The following KSR2 variants were observed in gnomAD, a reference collection of about 807,000 sequenced individuals.
The protein encoded by KSR2 is kinase suppressor of ras 2.
Under a neutral mutation model 107.8 loss-of-function variants are expected in KSR2, and 25 were observed. The observed-to-expected ratio is 0.23, with a 90% confidence interval of 0.17 to 0.32. KSR2 has a LOEUF of 0.32. KSR2 is among the 10% of genes least tolerant of loss of function. KSR2 has a pLI of 1.00. For synonymous variants in KSR2, 480 were observed against 507.0 expected, an observed-to-expected ratio of 0.95 and a Z score of 0.71; for missense variants, 887 against 1,268.9, an observed-to-expected ratio of 0.70 and a Z score of 4.57.
At chr12:117,488,464 G>A (rs187785508) in intron 14 of KSR2, among the ~76,000 whole-genome samples, 466 of 152,278 alleles carry the variant, frequency 3.1e-3, no homozygotes, top group Non-Finnish European at 4.6e-3. Context: ...CCAACGTGAT[G>A]GTATTAGGAG....
chr12:117,659,446 G>A (rs1593102309), intron 5 of KSR2, among the ~76,000 whole-genome samples: 1 of 152,072 alleles, frequency 6.6e-6, no homozygotes, highest in Admixed American at 6.5e-5. Context: ...GCTCACGTCC[G>A]CATGCTTCAG....
chr12:117,932,074 G>T (rs541791886), intron 1 of KSR2, among the ~76,000 whole-genome samples: 1 of 151,538 alleles, frequency 6.6e-6, no homozygotes, highest in South Asian at 2.1e-4. Context: ...ATCGCCTGAG[G>T]TCAGGAGTTT....
At chr12:117,607,800 A>G (rs776485082) in intron 5 of KSR2, among the ~76,000 whole-genome samples, 2 of 152,156 alleles carry the variant, frequency 1.3e-5, no homozygotes, top group Non-Finnish European at 2.9e-5. Context: ...TCTGAGGCCG[A>G]CAGACAGGTG....
intron 7 of KSR2, among the ~76,000 whole-genome samples, chr12:117,559,430 T>C (rs899969412): frequency 6.6e-6 from 1 of 152,200 alleles, no homozygotes; most frequent in Admixed American, 6.5e-5. Flanking sequence ...ATTCATTTTA[T>C]ACTATGTCAT....
chr12:117,968,016 G>GA (rs1367042303), intron 1 of KSR2, 60 bp downstream of exon 1: 1 of 1,408,282 alleles, frequency 7.1e-7, no homozygotes, highest in Non-Finnish European at 9.8e-7. Context: ...AAAGGAGGGG[G>GA]AAAGAAGGAT....
At chr12:117,749,175 T>A (rs2136818972) in intron 4 of KSR2, among the ~76,000 whole-genome samples, 1 of 115,800 alleles carries the variant, frequency 8.6e-6, no homozygotes, top group Non-Finnish European at 1.7e-5. Flanking sequence ...ACACAGGTGC[T>A]TGACATGGGA....
intron 1 of KSR2, among the ~76,000 whole-genome samples, chr12:117,932,164 G>A (rs1019562069): frequency 2.0e-5 from 3 of 152,062 alleles, no homozygotes; most frequent in Non-Finnish European, 4.4e-5. Flanking sequence ...GTGGGCGCCT[G>A]TAATCTCGGC....
At chr12:117,942,026 A>G (rs923096088) in intron 1 of KSR2, among the ~76,000 whole-genome samples, 6 of 152,084 alleles carry the variant, frequency 3.9e-5, no homozygotes, top group African/African-American at 1.4e-4. Context: ...AAAGTCTTAC[A>G]TGCATGCATT....
chr12:117,836,095 C>T (rs1892200802), intron 3 of KSR2, among the ~76,000 whole-genome samples: 2 of 99,944 alleles, frequency 2.0e-5, no homozygotes, highest in South Asian at 5.7e-4. Context: ...TCCCAACCTC[C>T]CAAATATGTT....
intron 4 of KSR2, among the ~76,000 whole-genome samples, chr12:117,714,288 C>T (rs1886897607): frequency 6.6e-6 from 1 of 152,130 alleles, no homozygotes; most frequent in Non-Finnish European, 1.5e-5. Flanking sequence ...ACTTTTTCTT[C>T]ACCCCAACAT....
chr12:117,819,881 A>G (rs546506460), intron 3 of KSR2, among the ~76,000 whole-genome samples: 2 of 152,224 alleles, frequency 1.3e-5, no homozygotes, highest in Non-Finnish European at 2.9e-5. Flanking sequence ...AGGGCATCAG[A>G]TAATCAATAT....
chr12:117,687,070 A>G (rs957952681), intron 4 of KSR2, among the ~76,000 whole-genome samples: 2 of 152,094 alleles, frequency 1.3e-5, no homozygotes, highest in Non-Finnish European at 2.9e-5. Flanking sequence ...CTCATCCTTA[A>G]AAGCTTATCC....
At chr12:117,827,790 T>C (rs1891812957) in intron 3 of KSR2, among the ~76,000 whole-genome samples, 1 of 152,184 alleles carries the variant, frequency 6.6e-6, no homozygotes, top group Non-Finnish European at 1.5e-5. Flanking sequence ...AGTAGTAGTA[T>C]CCTCATGTCA....
chr12:117,728,072 A>G (rs1457357164), intron 4 of KSR2, among the ~76,000 whole-genome samples: 5 of 152,192 alleles, frequency 3.3e-5, no homozygotes, highest in Non-Finnish European at 5.9e-5. Context: ...ATGATCGGAG[A>G]AGGACATGAG....
intron 10 of KSR2, among the ~76,000 whole-genome samples, chr12:117,537,922 G>A (rs1160343772): frequency 6.6e-6 from 1 of 152,172 alleles, no homozygotes; most frequent in Non-Finnish European, 1.5e-5. Context: ...AAGAGCTGTG[G>A]TCCTTTTGTG....
intron 4 of KSR2, among the ~76,000 whole-genome samples, chr12:117,694,493 G>A (rs906477032): frequency 6.6e-6 from 1 of 152,096 alleles, no homozygotes; most frequent in African/African-American, 2.4e-5. Flanking sequence ...AACCAGTCTT[G>A]GGTATGTCTT....
At chr12:117,648,943 A>G (rs972174192) in intron 5 of KSR2, among the ~76,000 whole-genome samples, 1 of 152,204 alleles carries the variant, frequency 6.6e-6, no homozygotes, top group Non-Finnish European at 1.5e-5. Context: ...AGTGCTACAG[A>G]TGCGCAACAG....
chr12:117,765,648 G>A (rs1360330600), intron 3 of KSR2, among the ~76,000 whole-genome samples: 6 of 152,138 alleles, frequency 3.9e-5, no homozygotes, highest in African/African-American at 7.2e-5. Context: ...TCTTAGTAGG[G>A]AAACAAATGA....
chr12:117,487,063 T>A (rs1872506006), intron 14 of KSR2, among the ~76,000 whole-genome samples: 1 of 152,100 alleles, frequency 6.6e-6, no homozygotes, highest in Admixed American at 6.5e-5. Context: ...GCTGCCTTTC[T>A]GGGTTGTCAG....
Sources: allele counts gnomAD v4.1 joint callset (sites outside exome capture counted in the v4.1 genomes callset), GRCh38; gene constraint gnomAD v4.1.1; transcripts MANE v1.5; gene names NCBI Gene and HGNC (gene_info 2026-07-23, HGNC 2026-07-21).